CUL1: variants seen among roughly 807,000 people sequenced by gnomAD.
CUL1 encodes the protein cullin 1.
Under a neutral mutation model 118.0 loss-of-function variants are expected in CUL1, and 24 were observed. The ratio of observed to expected loss-of-function variants is 0.20; its 90% confidence interval spans 0.15 to 0.29. CUL1 has a LOEUF of 0.29. Among genes scored for constraint, CUL1 ranks in the 10% least tolerant of loss-of-function variants. The pLI is 1.00. For synonymous variants in CUL1, 332 were observed against 340.4 expected (o/e 0.98, Z 0.27); for missense variants, 361 against 933.8 (o/e 0.39, Z 7.99).
chr7:148,720,562 TGAG>T (rs1334978339), intron 1 of CUL1, among the ~76,000 whole-genome samples: 1 of 151,980 alleles, frequency 6.6e-6, no homozygotes, highest in Non-Finnish European at 1.5e-5. Context: ...GCACGCAACA[TGAG>T]GAAAATAGAT....
chr7:148,760,224 A>G (rs1223910027), intron 6 of CUL1, 109 bp from the exon 7 acceptor site: 6 of 841,572 alleles, frequency 7.1e-6, no homozygotes, highest in Non-Finnish European at 1.1e-5. Context: ...CTGCCATTTC[A>G]CATTTACCTT....
At chr7:148,769,445 ACAC>A (rs1563164268) in intron 9 of CUL1, among the ~76,000 whole-genome samples, 3 of 143,946 alleles carry the variant, frequency 2.1e-5, no homozygotes, top group Non-Finnish European at 4.6e-5. Flanking sequence ...ACACACACAC[ACAC>A]AAAACGCTCA....
intron 19 of CUL1, among the ~76,000 whole-genome samples, 155 bp downstream of exon 19, chr7:148,798,174 T>G (rs1318003577): frequency 6.6e-6 from 1 of 152,148 alleles, no homozygotes; most frequent in Non-Finnish European, 1.5e-5. Flanking sequence ...GGCCTTTGAT[T>G]CCATTCAGCG....
chr7:148,792,385 A>G (rs1210284803), intron 16 of CUL1, among the ~76,000 whole-genome samples: 1 of 152,228 alleles, frequency 6.6e-6, no homozygotes. Context: ...GATGCTTAAC[A>G]TGTCCATATA....
At chr7:148,785,859 A>T (rs943211127) in intron 11 of CUL1, among the ~76,000 whole-genome samples, 2 of 152,156 alleles carry the variant, frequency 1.3e-5, no homozygotes, top group Admixed American at 1.3e-4. Flanking sequence ...CCCTGACCCA[A>T]GAGTGCCAAG....
intron 9 of CUL1, among the ~76,000 whole-genome samples, chr7:148,771,030 C>T (rs539392220): frequency 8.5e-5 from 13 of 152,118 alleles, no homozygotes; most frequent in South Asian, 6.2e-4. Flanking sequence ...TCATAGTGTA[C>T]GAGAATCATT....
chr7:148,758,094 T>G (rs1000358700), intron 4 of CUL1, among the ~76,000 whole-genome samples: 3 of 152,158 alleles, frequency 2.0e-5, no homozygotes, highest in African/African-American at 7.2e-5. Flanking sequence ...CATCCTAGAC[T>G]TAAAGAGAAA....
intron 4 of CUL1, among the ~76,000 whole-genome samples, chr7:148,757,793 C>T (rs1320206342): frequency 5.3e-5 from 8 of 152,086 alleles, no homozygotes; most frequent in Non-Finnish European, 8.8e-5. Context: ...TGGCAGAAGG[C>T]ACATCTTAGA....
chr7:148,764,950 C>G (rs1192411213), intron 7 of CUL1, among the ~76,000 whole-genome samples: 1 of 152,158 alleles, frequency 6.6e-6, no homozygotes, highest in Non-Finnish European at 1.5e-5. Context: ...AATCATAGTT[C>G]ATTAACTGAA....
At chr7:148,727,346 A>G (rs1280059103) in intron 1 of CUL1, among the ~76,000 whole-genome samples, 1 of 152,262 alleles carries the variant, frequency 6.6e-6, no homozygotes, top group Non-Finnish European at 1.5e-5. Context: ...TAGAGATTCT[A>G]AAGAGGGATT....
chr7:148,787,467 A>G lies in CUL1; in HGVS notation c.1479+347A>G, dbSNP rs561566115. Among the ~76,000 whole-genome samples, 5 of 152,234 alleles carry G rather than the reference A, an allele frequency of 3.3e-5. No individual in the cohort carries two copies. The highest frequency in any genetic ancestry group is 1.2e-4 in the African/African-American group (5 of 41,550). ...ACAGAGTGAGACTCTGTCTCAGAAA[A>G]AAATAAAAAAGCTCTTAGTCTCTCC... On this transcript the variant is annotated intron_variant, in intron 13 of 21. Transcript: ENST00000325222. This position sits in a 1 kb window ranked among gnomAD's most constrained non-coding sequence, Gnocchi z 5.5.
Position 148,759,509 on chromosome 7 carries a change from C to T in CUL1, c.535-39C>T, listed in dbSNP as rs745994278. ...GATATGTAGTAATATATATCATATT[C>T]TATAACCTGTGTAATATTTTTCTAC... On this transcript the variant is annotated intron_variant, in intron 5 of 21. Transcript: ENST00000325222. 9 of 1,396,288 alleles carry T rather than the reference C, an allele frequency of 6.4e-6. No homozygotes were observed. The East Asian group carries it at 1.8e-4, about 28-fold the overall frequency. The allele number at this position is 1,396,288 out of a possible 1,614,324, so 86.5% of individuals were successfully genotyped here.
intron 1 of CUL1, among the ~76,000 whole-genome samples, chr7:148,708,415 C>T (rs1797953317): frequency 6.6e-6 from 1 of 152,238 alleles, no homozygotes; most frequent in Admixed American, 6.5e-5. Flanking sequence ...CTAGTTCCTC[C>T]CCCATAACAC....
At chr7:148,778,031 C>A (rs920486020) in intron 9 of CUL1, among the ~76,000 whole-genome samples, 1 of 134,970 alleles carries the variant, frequency 7.4e-6, no homozygotes, top group East Asian at 2.2e-4. Context: ...CCACTGCACT[C>A]CTGCACTCCT....
chr7:148,760,318 C>T lies in CUL1; in HGVS notation c.626-15C>T, dbSNP rs765951589. On this transcript the variant is annotated splice_polypyrimidine_tract_variant and intron_variant, in intron 6 of 21. Transcript: ENST00000325222. ...AAAATAGGGTAATTGAAATATAGCT[C>T]ATATTCATTTCTAGTGGAATTGGGG... 3.8e-6 allele frequency: 6 copies of T among 1,591,130 alleles called. No individual in the cohort carries two copies. In the South Asian group the frequency reaches 4.6e-5, roughly 12 times the overall value.
chr7:148,740,644 A>C (rs1799113022), intron 2 of CUL1, among the ~76,000 whole-genome samples: 1 of 152,126 alleles, frequency 6.6e-6, no homozygotes, highest in South Asian at 2.1e-4. Flanking sequence ...TCCTCCATTC[A>C]TATCTTGAAG....
chr7:148,776,982 T>A (rs1800422960), intron 9 of CUL1, among the ~76,000 whole-genome samples: 1 of 152,258 alleles, frequency 6.6e-6, no homozygotes, highest in Non-Finnish European at 1.5e-5. Context: ...TGGCAAGTCT[T>A]AGTTCTGCTT....
At chr7:148,718,296 G>C (rs777618185) in intron 1 of CUL1, among the ~76,000 whole-genome samples, 3 of 152,214 alleles carry the variant, frequency 2.0e-5, no homozygotes, top group African/African-American at 4.8e-5. Flanking sequence ...TAAAGTTAGA[G>C]TTGTGTGGCC....
intron 1 of CUL1, among the ~76,000 whole-genome samples, chr7:148,708,098 A>C (rs1797943801): frequency 6.6e-6 from 1 of 152,136 alleles, no homozygotes; most frequent in Non-Finnish European, 1.5e-5. Flanking sequence ...ACTCTTCATG[A>C]GCATTCAGGA....
Sources: allele counts gnomAD v4.1 joint callset (sites outside exome capture counted in the v4.1 genomes callset), GRCh38; gene constraint gnomAD v4.1.1; non-coding constraint Gnocchi (gnomAD v3.1); transcripts MANE v1.5; gene names NCBI Gene and HGNC (gene_info 2026-07-23, HGNC 2026-07-21).